Variants in ATAD2 observed in about 807,000 individuals in gnomAD.
ATAD2 encodes ATPase family AAA domain-containing protein 2.
In ATAD2, 62 loss-of-function variants were observed where a neutral mutation model predicts 168.9. The ratio of observed to expected loss-of-function variants is 0.37; its 90% CI spans 0.30 to 0.45. The LOEUF (loss-of-function observed/expected upper bound fraction) is 0.45, where lower values mean the gene tolerates loss of function less well. ATAD2 is among the 20% of genes least tolerant of loss of function. ATAD2 has a pLI of 1.00. For missense variants in ATAD2, 1,419 were observed against 1,667.8 expected (o/e 0.85, Z 2.60); for synonymous variants, 613 against 571.6 (o/e 1.07, Z -1.03).
intron 24 of ATAD2, among the ~76,000 whole-genome samples, chr8:123,329,544 C>T (rs555030332): frequency 1.3e-5 from 2 of 151,964 alleles, no homozygotes; most frequent in Admixed American, 6.6e-5. Flanking sequence ...GGGCGGATCA[C>T]GAGGTCAGGT....
At chr8:123,392,237 C>A (rs760732407) in intron 1 of ATAD2, among the ~76,000 whole-genome samples, 7 of 152,072 alleles carry the variant, frequency 4.6e-5, no homozygotes, top group Non-Finnish European at 1.0e-4. Context: ...CGTGCAGTTA[C>A]ATTCTGATTG....
chr8:123,409,315 A>G (rs917903305), intron 1 of ATAD2, among the ~76,000 whole-genome samples: 1 of 152,136 alleles, frequency 6.6e-6, no homozygotes, highest in African/African-American at 2.4e-5. Context: ...AACCCAGCCA[A>G]CTTCCCACCC....
rs145137934 is a variant in ATAD2, at chr8:123,369,918, T to TTCTTCA, written c.833_834insTGAAGA (p.Asp277_Glu278insAspGlu). On this transcript the variant is annotated inframe_insertion, in exon 7 of 28. Transcript: ENST00000287394. ...CTCCATCTTCTTCATCTTCATCATC[T>TTCTTCA]TCATCATCATCATCATCATCATCAT... 1.3e-6 allele frequency: 2 copies of TTCTTCA among 1,567,900 alleles called. No individual in the cohort carries two copies. Among genetic ancestry groups the TTCTTCA allele is most frequent in the African/African-American group, 2.8e-5 (2 of 71,324 alleles).
chr8:123,380,898 G>A, intron 1 of ATAD2: 1 of 500,550 alleles, frequency 2.0e-6, no homozygotes, highest in Non-Finnish European at 3.5e-6. Flanking sequence ...AGATTTACTG[G>A]TTTATAGTTC....
At chr8:123,353,691 T>C (rs1460382408) in intron 13 of ATAD2, among the ~76,000 whole-genome samples, 1 of 152,166 alleles carries the variant, frequency 6.6e-6, no homozygotes, top group Admixed American at 6.5e-5. Context: ...CACTCAGGGA[T>C]GGACATTAAT....
At position 123,372,621 on chromosome 8, in the gene ATAD2, C is replaced by T. The variant is rs760919418; in HGVS notation, c.370+16G>A. On this transcript the variant is annotated intron_variant, in intron 3 of 27. Transcript: ENST00000287394. ...TTACACATTTTAAGATCTGAAATGA[C>T]TTTAACAGTACTTACCTTCTCTGTG... is the stretch of plus-strand genomic sequence containing the variant. 1.2e-5 allele frequency: 18 copies of T among 1,555,880 alleles called. No homozygotes were observed. The highest frequency in any genetic ancestry group is 1.6e-5 in the Non-Finnish European group (18 of 1,151,190).
In ATAD2 at chr8:123,325,972, T is replaced by A; in HGVS notation, c.3923A>T (p.Gln1308Leu). Residue 1308 changes from glutamine (Q) to leucine (L), a missense_variant, in exon 26 of 28, where the codon CAG becomes CTG. Coordinates refer to ENST00000287394, the MANE Select transcript of ATAD2 (RefSeq NM_014109.4). ...RARRSQVEQQQLITVEKALAI... is the reference protein window; with the variant it reads ...RARRSQVEQQLLITVEKALAI... ...CAAAGCCTTTTCAACAGTGATGAGC[T>A]GCTGCTGTTCTACCTGGGAACGTCT... is the stretch of plus-strand genomic sequence containing the variant. 2 of 1,614,136 alleles carry A rather than the reference T, an allele frequency of 1.2e-6. No homozygotes were observed. Among genetic ancestry groups the A allele is most frequent in the Non-Finnish European group, 1.7e-6 (2 of 1,179,974 alleles).
upstream of ATAD2, chr8:123,400,744 T>C: frequency 3.9e-6 from 3 of 770,408 alleles, no homozygotes; most frequent in Non-Finnish European, 7.1e-6. This position sits in a 1 kb window ranked among gnomAD's most constrained non-coding sequence, Gnocchi z 4.5. Context: ...AGCCCTTACC[T>C]GGAAGATCAC....
At chr8:123,354,864 A>AAAAAAAAATATAT (rs1554644338) in intron 13 of ATAD2, among the ~76,000 whole-genome samples, 2 of 64,708 alleles carry the variant, frequency 3.1e-5, no homozygotes, top group African/African-American at 1.7e-4. Flanking sequence ...AAAAAAAAAA[A>AAAAAAAAATATAT]ATATATATAT....
intron 1 of ATAD2, among the ~76,000 whole-genome samples, chr8:123,389,567 AAGG>A (rs989431760): frequency 6.6e-6 from 1 of 151,230 alleles, no homozygotes; most frequent in African/African-American, 2.4e-5. Context: ...GTGAACCCAG[AAGG>A]AGGAGCTTGC....
intron 2 of ATAD2, 111 bp from the exon 3 acceptor site, chr8:123,372,797 G>T: frequency 1.2e-6 from 1 of 837,054 alleles, no homozygotes; most frequent in South Asian, 2.2e-5. Context: ...GCACAATCAT[G>T]ACTCACTACA....
chr8:123,345,955 CATA>C (rs1313636601), intron 18 of ATAD2, 128 bp downstream of exon 18: 23 of 643,716 alleles, frequency 3.6e-5, no homozygotes, highest in Non-Finnish European at 5.4e-5. Context: ...AGCAATCATG[CATA>C]ACTCTGTTTT....
chr8:123,328,414 GT>G lies in ATAD2; in HGVS notation c.3643del (p.Thr1215ProfsTer25). 1 of 1,538,972 alleles carries G rather than the reference GT, an allele frequency of 6.5e-7. No individual in the cohort carries two copies. The highest frequency in any genetic ancestry group is 1.8e-5 in the Admixed American group (1 of 54,510). On this transcript the variant is annotated frameshift_variant, in exon 25 of 28. Transcript: ENST00000287394. LOFTEE classifies it high-confidence loss of function. The stretch of plus-strand genomic sequence containing the variant: ...CACCGAAGACTCTCCTGTGTTTCCG[GT>G]CTCATTATGATCTACACTTGTGTCT... ...TQDTSVDHNE[T>X]GNTGESSVEE...
At chr8:123,404,545 T>A (rs564363113) in intron 1 of ATAD2, among the ~76,000 whole-genome samples, 8 of 151,656 alleles carry the variant, frequency 5.3e-5, no homozygotes, top group African/African-American at 1.7e-4. Context: ...TGTACTCAAG[T>A]CTCTCCCCAC....
intron 13 of ATAD2, among the ~76,000 whole-genome samples, chr8:123,351,748 G>GGTTT (rs1554644030): frequency 1.5e-5 from 2 of 134,676 alleles, no homozygotes; most frequent in African/African-American, 5.5e-5. Flanking sequence ...AAAAACTGAT[G>GGTTT]TTTTTTTTTT....
At chr8:123,397,239 T>TGAAAAAAAAAAAAAAAAAAA (rs1563869628), upstream of ATAD2, among the ~76,000 whole-genome samples, 1 of 79,626 alleles carries the variant, frequency 1.3e-5, no homozygotes, top group Non-Finnish European at 2.4e-5. Context: ...AGACTCTGTC[T>TGAAAAAAAAAAAAAAAAAAA]CAAAAAAAAA....
In ATAD2 at chr8:123,348,059, CTG is replaced by C. The variant is rs757332901; in HGVS notation, c.1897+122_1897+123del. The C allele has an allele frequency of 3.1e-5, 23 of 746,428 alleles. 1 individual carries two copies. The highest frequency in any genetic ancestry group is 2.0e-4 in the African/African-American group (11 of 54,690). 46.2% of individuals were successfully genotyped at this position (746,428 alleles called of 1,614,324 possible). On this transcript the variant is annotated intron_variant, in intron 15 of 27. Coordinates refer to ENST00000287394, the MANE Select transcript of ATAD2 (RefSeq NM_014109.4). ...CTTTATTAGTCTGGTGCAAAAGAAA[CTG>C]TGGTTTTTGCCATTACTTTTACAGG... is the stretch of plus-strand genomic sequence containing the variant.
intron 12 of ATAD2, among the ~76,000 whole-genome samples, chr8:123,356,968 C>T (rs1448555190): frequency 6.6e-6 from 1 of 151,990 alleles, no homozygotes; most frequent in East Asian, 1.9e-4. Flanking sequence ...CCTGGACACG[C>T]AAAAATATTT....
intron 19 of ATAD2, among the ~76,000 whole-genome samples, chr8:123,341,075 T>C (rs1020073299): frequency 1.3e-5 from 2 of 152,052 alleles, no homozygotes; most frequent in East Asian, 1.9e-4. Flanking sequence ...CCCGAGTAGC[T>C]GGGACTATAG....
Sources: gnomAD v4.1 joint callset for allele counts (sites outside exome capture counted in the v4.1 genomes callset) on GRCh38, gnomAD v4.1.1 for gene constraint, Gnocchi (gnomAD v3.1) non-coding constraint, MANE v1.5 for transcripts, NCBI Gene and HGNC (gene_info 2026-07-23, HGNC 2026-07-21) for gene names.